Variants in LILRA2 observed in about 807,000 individuals in gnomAD.
LILRA2 encodes the protein leukocyte immunoglobulin like receptor A2, also known as leukocyte immunoglobulin-like receptor subfamily A member 2.
In LILRA2, 45 loss-of-function variants were observed where a neutral mutation model predicts 47.9. The observed-to-expected ratio is 0.94, with a 90% confidence interval of 0.74 to 1.20. The LOEUF (loss-of-function observed/expected upper bound fraction) is 1.20. Ranked by LOEUF, LILRA2 falls within the 50% of genes most tolerant of loss-of-function variation. The pLI is 0.00. For synonymous variants in LILRA2, 279 were observed against 249.2 expected (o/e 1.12, Z -1.13); for missense variants, 651 against 598.2 (o/e 1.09, Z -0.92).
At position 54,586,155 on chromosome 19, in the gene LILRA2, A is replaced by C. The variant is rs73936599; in HGVS notation, c.1256-855A>C. Among the ~76,000 whole-genome samples the C allele has an allele frequency of 7.0e-3, 1,062 of 151,902 alleles. 16 individuals are homozygous for C. The highest frequency in any genetic ancestry group is 0.024 in the African/African-American group (995 of 41,552). On this transcript the variant is annotated intron_variant, in intron 6 of 7. Coordinates refer to ENST00000391738, the MANE Select transcript of LILRA2 (RefSeq NM_001130917.3). ...AACTACATAATAAATACATTTCTGA[A>C]GTTTTACATATATACACAGGTTCTA...
chr19:54,575,161 GGGGCC>G (rs2062356311), intron 4 of LILRA2, 90 bp from the exon 5 acceptor site: 1 of 1,549,608 alleles, frequency 6.5e-7, no homozygotes, highest in African/African-American at 1.4e-5. Context: ...CAGGGCTCCT[GGGGCC>G]GGAGACACAG....
At chr19:54,576,440 G>T (rs2062442542) in intron 6 of LILRA2, among the ~76,000 whole-genome samples, 2 of 144,608 alleles carry the variant, frequency 1.4e-5, no homozygotes, top group Admixed American at 6.9e-5. Context: ...GCCTCTGGGG[G>T]TCCCAAACCC....
chr19:54,574,115 A>G lies in LILRA2; in HGVS notation c.70+4A>G. 6.2e-7 allele frequency: 1 copy of G among 1,614,226 alleles called. No individual in the cohort carries two copies. Among genetic ancestry groups the G allele is most frequent in the Non-Finnish European group, 8.5e-7 (1 of 1,180,034 alleles). ...CCCAGGACCCACGTGCAGGCAGGTG[A>G]GTCTGTTCCCAGCTGTCCCAGGTCC... On this transcript the variant is annotated splice_donor_region_variant and intron_variant, in intron 2 of 7. Transcript: ENST00000391738.
At chr19:54,581,690 T>C (rs2062638269) in intron 6 of LILRA2, among the ~76,000 whole-genome samples, 1 of 151,456 alleles carries the variant, frequency 6.6e-6, no homozygotes, top group South Asian at 2.1e-4. Context: ...GGAAGAACAT[T>C]CCATGCTCAT....
chr19:54,575,835 G>A lies in LILRA2; in HGVS notation c.981G>A (p.Ser327=), dbSNP rs7249030. The change falls in exon 6 of 8, where the codon TCG becomes TCA. Residue 327 remains serine (S), a synonymous_variant. Transcript: ENST00000391738. ...TGQFYDRPSL[S]VQPVPTVAPG... The stretch of plus-strand genomic sequence containing the variant: ...AGTTCTATGACAGACCCTCTCTCTC[G>A]GTGCAGCCGGTCCCCACAGTAGCCC... The A allele has an allele frequency of 2.8e-3, 4,467 of 1,606,474 alleles. 118 individuals carry two copies. In the African/African-American group the frequency reaches 0.053, roughly 19 times the overall value.
At chr19:54,577,999 T>C (rs2062524920) in intron 6 of LILRA2, among the ~76,000 whole-genome samples, 2 of 151,976 alleles carry the variant, frequency 1.3e-5, no homozygotes, top group African/African-American at 4.8e-5. Context: ...AAAATGAAGA[T>C]TTTCTTAATG....
At chr19:54,573,139 A>G (rs2062193860), upstream of LILRA2, 2 of 263,528 alleles carry the variant, frequency 7.6e-6, no homozygotes, top group South Asian at 9.4e-5. Context: ...GTGAGCTGCC[A>G]TGCCTGGCTA....
chr19:54,576,024 G>C lies in LILRA2; in HGVS notation c.1170G>C (p.Val390=), dbSNP rs375609840. ...FRMGPVTSAH[V]GTYRCYSSLS... is the part of the protein sequence containing the mutation. ...TGGGTCCTGTGACCTCAGCCCACGT[G>C]GGGACCTACAGATGCTACAGCTCAC... The change falls in exon 6 of 8, where the codon GTG becomes GTC. Residue 390 remains valine, a synonymous_variant. Transcript: ENST00000391738. 2 of 1,613,900 alleles carry C rather than the reference G, an allele frequency of 1.2e-6. No homozygotes were observed. The highest frequency in any genetic ancestry group is 1.7e-6 in the Non-Finnish European group (2 of 1,179,942).
chr19:54,588,900 A>C lies in LILRA2; in HGVS notation c.*1554A>C, dbSNP rs2062878823. The stretch of plus-strand genomic sequence containing the variant: ...AGGCTGGTCTTGAACTCCTGACCTC[A>C]GGTTATCCACCTGCCTCAGCCTCCC... On this transcript the variant is annotated 3_prime_UTR_variant, in exon 8 of 8. Transcript: ENST00000391738. The C allele has an allele frequency of 6.6e-6, 1 of 151,678 alleles. No individual in the cohort carries two copies. The highest frequency in any genetic ancestry group is 2.2e-4 in the South Asian group (1 of 4,562). The allele number at this position is 151,678 out of a possible 1,614,324, so 9.4% of individuals were successfully genotyped here.
At chr19:54,579,190 A>G (rs2062568288) in intron 6 of LILRA2, among the ~76,000 whole-genome samples, 1 of 152,138 alleles carries the variant, frequency 6.6e-6, no homozygotes, top group South Asian at 2.1e-4. Context: ...GCCCATGCCT[A>G]TGTCCTGAAT....
rs374309575 is a variant in LILRA2, at chr19:54,574,411, T to C, written c.181T>C (p.Tyr61His). ...CCTTCAGGCTGAGGAGTACCATCTA[T>C]ATAGGGAAAACAAATCAGCATCCTG... ...GSLQAEEYHL[Y>H]RENKSASWVR... The change falls in exon 3 of 8, where the codon TAT becomes CAT. Residue 61 changes from tyrosine to histidine, a missense_variant. Tyr to His is a moderately conservative substitution (Grantham distance 83). Transcript: ENST00000391738. The C allele has an allele frequency of 6.2e-6, 10 of 1,613,890 alleles. No individual in the cohort carries two copies. The African/African-American group carries it at 1.2e-4, about 19-fold the overall frequency.
Position 54,586,731 on chromosome 19 carries a change from G to A in LILRA2, c.1256-279G>A, listed in dbSNP as rs765943753. 3.6e-3 allele frequency among the ~76,000 whole-genome samples: 551 copies of A among 152,166 alleles called. No homozygotes were observed. The South Asian group carries it at 0.072, about 20-fold the overall frequency. ...CTGCACAGAGAGCACATAAGGTCCT[G>A]GTTATTTCTGTATTGGGGACCACTT... On this transcript the variant is annotated intron_variant, in intron 6 of 7. Transcript: ENST00000391738.
At chr19:54,583,963 C>A (rs968635357) in intron 6 of LILRA2, among the ~76,000 whole-genome samples, 1 of 152,126 alleles carries the variant, frequency 6.6e-6, no homozygotes, top group African/African-American at 2.4e-5. Flanking sequence ...TTAAGGCAGG[C>A]CTGGTGGTGA....
rs539602525 is a variant in LILRA2 at position 54,576,102 on chromosome 19, G to C, written c.1248G>C (p.Val416=). 4.3e-6 allele frequency: 7 copies of C among 1,614,206 alleles called. No homozygotes were observed. The African/African-American group carries it at 9.3e-5, about 21-fold the overall frequency. Residue 416 remains valine (V), a synonymous_variant, in exon 6 of 8, where the codon GTG becomes GTC. Coordinates refer to ENST00000391738, the MANE Select transcript of LILRA2 (RefSeq NM_001130917.3). ...TCCCCAGTGACCCCCTGGAGCTCGT[G>C]GTCTCAGGTGAGGGCCCTGATCTTG... ...LSLPSDPLEL[V]VSEAAETLSP...
rs549376058 is a variant in LILRA2, at chr19:54,574,203, G to A, written c.70+92G>A. The A allele has an allele frequency of 4.3e-6, 7 of 1,614,152 alleles. No individual in the cohort carries two copies. The South Asian group carries it at 5.5e-5, about 13-fold the overall frequency. ...GCTGGGGATGGGGAATAGCAGTTCT[G>A]GGCTGACTGATGGGGGTGTCTGGAG... On this transcript the variant is annotated intron_variant, in intron 2 of 7. Coordinates refer to ENST00000391738, the MANE Select transcript of LILRA2 (RefSeq NM_001130917.3).
At position 54,587,231 on chromosome 19, in the gene LILRA2, C is replaced by T. The variant is rs1297614200; in HGVS notation, c.1337C>T (p.Thr446Ile). 1 of 1,614,116 alleles carries T rather than the reference C, an allele frequency of 6.2e-7. No individual in the cohort carries two copies. The change falls in exon 8 of 8, where the codon ACA (threonine) becomes ATA (isoleucine). Residue 446 changes from threonine to isoleucine, a missense_variant. Thr to Ile is a moderately conservative substitution (Grantham distance 89). Transcript: ENST00000391738. ...CTAGGCCAACACCCCCAGGATTACA[C>T]AGTGGAGAATCTCATCCGCATGGGT... ...TSLGQHPQDY[T>I]VENLIRMGVA...
chr19:54,579,139 TTTGGTGCCA>T (rs2062566967), intron 6 of LILRA2, among the ~76,000 whole-genome samples: 2 of 152,174 alleles, frequency 1.3e-5, no homozygotes, highest in Admixed American at 6.5e-5. Context: ...TATTTTGGCT[TTTGGTGCCA>T]TTGCTTGTGG....
upstream of LILRA2, chr19:54,573,717 A>G: frequency 6.7e-7 from 1 of 1,500,498 alleles, no homozygotes; most frequent in Non-Finnish European, 9.0e-7. Context: ...TATGACAGCC[A>G]GGCTCCTGAG....
intron 6 of LILRA2, among the ~76,000 whole-genome samples, chr19:54,583,447 CTGGGTGCTCCTGTAT>C (rs1275942828): frequency 6.6e-6 from 1 of 152,132 alleles, no homozygotes; most frequent in Non-Finnish European, 1.5e-5. Context: ...GTTTTTGAAT[CTGGGTGCTCCTGTAT>C]TGGGTGCATA....
Sources: gnomAD v4.1 joint callset for allele counts (sites outside exome capture counted in the v4.1 genomes callset) on GRCh38, gnomAD v4.1.1 for gene constraint, MANE v1.5 for transcripts, NCBI Gene and HGNC (gene_info 2026-07-23, HGNC 2026-07-21) for gene names.